PPP2R3C: variants seen among roughly 807,000 people sequenced by gnomAD.
PPP2R3C encodes protein phosphatase 2 regulatory subunit B''gamma, also known as serine/threonine-protein phosphatase 2A regulatory subunit B'' subunit gamma.
A neutral mutation model predicts 63.7 loss-of-function variants in PPP2R3C; 47 were observed. The ratio of observed to expected loss-of-function variants is 0.74; its 90% CI spans 0.58 to 0.94. PPP2R3C has a LOEUF of 0.94. Ranked by LOEUF, PPP2R3C falls within the 40% of genes least tolerant of loss-of-function variation. The probability of loss-of-function intolerance (pLI) is 0.00; values close to 1 mark genes in which losing one functional copy is unlikely to be tolerated. For missense variants in PPP2R3C, 421 were observed against 518.4 expected (o/e 0.81, Z 1.82); for synonymous variants, 180 against 177.4 (o/e 1.01, Z -0.12).
chr14:35,119,115 G>A (rs1010137647), intron 1 of PPP2R3C, among the ~76,000 whole-genome samples: 22 of 149,112 alleles, frequency 1.5e-4, no homozygotes, highest in African/African-American at 4.0e-4. Context: ...TCAGCTCACC[G>A]CAACTTCTGC....
chr14:35,118,944 G>A (rs555789652), intron 1 of PPP2R3C, among the ~76,000 whole-genome samples: 2 of 152,034 alleles, frequency 1.3e-5, no homozygotes, highest in South Asian at 4.2e-4. Context: ...GAGCCACTGC[G>A]CCCAGCCAAG....
intron 6 of PPP2R3C, among the ~76,000 whole-genome samples, chr14:35,106,953 T>C (rs1285663202): frequency 6.6e-6 from 1 of 152,126 alleles, no homozygotes; most frequent in Non-Finnish European, 1.5e-5. Flanking sequence ...AGGTGTGAGC[T>C]ACCACACCCA....
chr14:35,088,698 T>C (rs1346599247), intron 11 of PPP2R3C, among the ~76,000 whole-genome samples: 1 of 152,156 alleles, frequency 6.6e-6, no homozygotes, highest in Admixed American at 6.6e-5. Flanking sequence ...GAGTACATGC[T>C]CTGTTAATAT....
chr14:35,095,251 C>T (rs2045955553), intron 9 of PPP2R3C, 67 bp from the exon 10 acceptor site: 1 of 1,508,534 alleles, frequency 6.6e-7, no homozygotes, highest in Non-Finnish European at 9.0e-7. Context: ...AATAGACTAA[C>T]AAAAAGTTTT....
At chr14:35,105,130 CG>C (rs1255421848) in intron 6 of PPP2R3C, among the ~76,000 whole-genome samples, 3 of 150,986 alleles carry the variant, frequency 2.0e-5, no homozygotes, top group Non-Finnish European at 4.4e-5. Flanking sequence ...AATAATCAAA[CG>C]TTTTTCAGTG....
At chr14:35,104,418 T>TG in intron 6 of PPP2R3C, among the ~76,000 whole-genome samples, 1 of 152,208 alleles carries the variant, frequency 6.6e-6, no homozygotes, top group Non-Finnish European at 1.5e-5. Context: ...TACATTTCTT[T>TG]AACCCTTATA....
At chr14:35,118,204 T>C (rs773184160) in intron 1 of PPP2R3C, among the ~76,000 whole-genome samples, 13 of 152,078 alleles carry the variant, frequency 8.5e-5, no homozygotes, top group Non-Finnish European at 5.9e-5. Context: ...TTAACAAATA[T>C]TGCTATAAGG....
rs762212045 is a variant in PPP2R3C, at chr14:35,111,289, C to A, written c.187-660G>T. 1.4e-4 allele frequency among the ~76,000 whole-genome samples: 21 copies of A among 145,064 alleles called. No individual in the cohort carries two copies. In the East Asian group the frequency reaches 2.4e-3, roughly 17 times the overall value. On this transcript the variant is annotated intron_variant, in intron 2 of 12. Coordinates refer to ENST00000261475, the MANE Select transcript of PPP2R3C (RefSeq NM_017917.4). ...TATAGAAGAATTAAATGAGGATTAA[C>A]TGGAGATTGACAATTTCAAAACCAC...
intron 2 of PPP2R3C, among the ~76,000 whole-genome samples, chr14:35,115,131 T>C (rs977914953): frequency 1.1e-4 from 17 of 151,494 alleles, no homozygotes; most frequent in Non-Finnish European, 4.4e-5. Context: ...GCCCTACCAT[T>C]GCCAGGTTGT....
At position 35,089,902 on chromosome 14, in the gene PPP2R3C, C is replaced by G. The variant is rs150707385; in HGVS notation, c.1113+1168G>C. Among the ~76,000 whole-genome samples, 901 of 152,064 alleles carry G rather than the reference C, an allele frequency of 5.9e-3. 8 individuals carry two copies. Among genetic ancestry groups the G allele is most frequent in the African/African-American group, 0.02 (850 of 41,478 alleles). On this transcript the variant is annotated intron_variant, in intron 11 of 12. Transcript: ENST00000261475. ...GGATGGTTTTGATCTCCTGACCTTG[C>G]GATCCGCCCACCCTGGCCTCCCAAA...
chr14:35,112,981 G>C (rs2046610552), intron 2 of PPP2R3C: 1 of 152,254 alleles, frequency 6.6e-6, no homozygotes, highest in Non-Finnish European at 1.5e-5. Context: ...TTTCTCAAAT[G>C]TATTTGATTG....
chr14:35,117,187 G>C (rs565709771), intron 1 of PPP2R3C: 1 of 455,418 alleles, frequency 2.2e-6, no homozygotes, highest in East Asian at 6.9e-5. Flanking sequence ...CTAATGTAGA[G>C]AAAACAAACA....
chr14:35,113,740 C>G (rs1377301499), intron 2 of PPP2R3C, among the ~76,000 whole-genome samples: 2 of 152,158 alleles, frequency 1.3e-5, no homozygotes, highest in Non-Finnish European at 1.5e-5. Context: ...GAATGCTGAA[C>G]AACTGATTTA....
intron 6 of PPP2R3C, chr14:35,102,558 T>C (rs959427870): frequency 2.0e-5 from 3 of 152,082 alleles, no homozygotes; most frequent in African/African-American, 7.3e-5. Context: ...TCTCTTTTTC[T>C]TCATCAATGC....
chr14:35,086,405 G>C (rs2045595366), intron 12 of PPP2R3C: 1 of 151,938 alleles, frequency 6.6e-6, no homozygotes. Flanking sequence ...CACCATATTG[G>C]CCAGGCTGGT....
intron 1 of PPP2R3C, 80 bp from the exon 2 acceptor site, chr14:35,116,817 A>C: frequency 8.8e-7 from 1 of 1,141,556 alleles, no homozygotes; most frequent in South Asian, 1.9e-5. Flanking sequence ...TATTATATTA[A>C]TAGTTTAATT....
At chr14:35,103,965 A>G in intron 6 of PPP2R3C, among the ~76,000 whole-genome samples, 1 of 152,204 alleles carries the variant, frequency 6.6e-6, no homozygotes, top group South Asian at 2.1e-4. Context: ...AGAAGGGGAA[A>G]ATTATTCCTT....
chr14:35,105,504 T>C lies in PPP2R3C; in HGVS notation c.573+1800A>G, dbSNP rs547418522. On this transcript the variant is annotated intron_variant, in intron 6 of 12. Transcript: ENST00000261475. ...CCAAAAGGCCTTTTTTTTTTAAAGTTTGAAGAAAAAGAATCTAAAAAGGAA... is the reference window on the plus strand; with the variant it reads ...CCAAAAGGCCTTTTTTTTTTAAAGTCTGAAGAAAAAGAATCTAAAAAGGAA... 5.5e-4 allele frequency among the ~76,000 whole-genome samples: 84 copies of C among 151,894 alleles called. 2 individuals carry two copies. The South Asian group carries it at 0.012, about 23-fold the overall frequency.
rs746816693 is a variant in PPP2R3C, at chr14:35,096,544, T to C, written c.838+14A>G. On this transcript the variant is annotated intron_variant, in intron 9 of 12. Transcript: ENST00000261475. ...ATGGATAATTCAAATTTTAGCATTA[T>C]GATAGGAACATACCATAAACTCTTA... 12 of 1,604,602 alleles carry C rather than the reference T, an allele frequency of 7.5e-6. No homozygotes were observed. The highest frequency in any genetic ancestry group is 1.0e-5 in the Non-Finnish European group (12 of 1,172,692).
Sources: allele counts gnomAD v4.1 joint callset (sites outside exome capture counted in the v4.1 genomes callset), GRCh38; gene constraint gnomAD v4.1.1; transcripts MANE v1.5; gene names NCBI Gene and HGNC (gene_info 2026-07-23, HGNC 2026-07-21).